RAB38: variants seen among roughly 807,000 people sequenced by gnomAD.
The protein encoded by RAB38 is RAB38, member RAS oncogene family.
Under a neutral mutation model 18.4 loss-of-function variants are expected in RAB38, and 15 were observed. The ratio of observed to expected loss-of-function variants is 0.82; its 90% CI spans 0.55 to 1.26. RAB38 has a LOEUF of 1.26. Ranked by LOEUF, RAB38 falls within the 50% of genes most tolerant of loss-of-function variation. RAB38 has a pLI of 0.00. For missense variants in RAB38, 294 were observed against 267.4 expected (o/e 1.10, Z -0.69); for synonymous variants, 101 against 104.4 (o/e 0.97, Z 0.20).
chr11:88,093,122 T>C, the RAB38 span, among the ~76,000 whole-genome samples: 8 of 151,998 alleles, frequency 5.3e-5, no homozygotes, highest in Admixed American at 2.6e-4. Context: ...TCAGAGAAAA[T>C]CTGATTGGCT....
At chr11:87,883,635 G>T in the RAB38 span, among the ~76,000 whole-genome samples, 2 of 151,936 alleles carry the variant, frequency 1.3e-5, no homozygotes, top group Non-Finnish European at 2.9e-5. Flanking sequence ...ATGGGAAATA[G>T]TTGCCTGGAT....
the RAB38 span, among the ~76,000 whole-genome samples, chr11:88,009,733 G>A: frequency 3.3e-5 from 5 of 152,118 alleles, no homozygotes; most frequent in Non-Finnish European, 5.9e-5. Context: ...AGCTTTGTGG[G>A]TGCCACAGTG....
the RAB38 span, among the ~76,000 whole-genome samples, chr11:88,018,797 T>G: frequency 6.6e-6 from 1 of 152,192 alleles, no homozygotes; most frequent in Non-Finnish European, 1.5e-5. Context: ...TGTTACATCT[T>G]TAGAATTTGT....
the RAB38 span, among the ~76,000 whole-genome samples, chr11:88,053,122 T>C: frequency 9.8e-5 from 13 of 132,452 alleles, no homozygotes; most frequent in African/African-American, 3.7e-4. Flanking sequence ...ATATGGAATA[T>C]ATATATTATA....
chr11:88,096,321 T>C, the RAB38 span, among the ~76,000 whole-genome samples: 38,294 of 151,654 alleles, frequency 0.25, 6,372 homozygotes, highest in African/African-American at 0.45. Flanking sequence ...TATAATTGTT[T>C]TTTTCTCTCA....
At chr11:88,005,918 G>A in the RAB38 span, among the ~76,000 whole-genome samples, 1 of 151,378 alleles carries the variant, frequency 6.6e-6, no homozygotes, top group African/African-American at 2.4e-5. Context: ...ATAGATGCTT[G>A]GGTTTAATTC....
At chr11:88,162,075 G>A (rs2386579) in intron 1 of RAB38, among the ~76,000 whole-genome samples, 37,453 of 151,890 alleles carry the variant, frequency 0.25, 4,666 homozygotes, top group Admixed American at 0.27. Flanking sequence ...ATAATGGCTT[G>A]TGCTGGTTTT....
the RAB38 span, among the ~76,000 whole-genome samples, chr11:87,960,684 A>G: frequency 5.9e-5 from 9 of 152,324 alleles, no homozygotes; most frequent in South Asian, 1.7e-3. Context: ...TTTCGGTTAC[A>G]TAACTTCAGA....
the RAB38 span, among the ~76,000 whole-genome samples, chr11:87,809,135 G>A: frequency 1.3e-4 from 20 of 152,218 alleles, no homozygotes; most frequent in African/African-American, 3.4e-4. Flanking sequence ...TTCATTTAAC[G>A]TAAATGAAGA....
chr11:88,024,845 T>C, the RAB38 span, among the ~76,000 whole-genome samples: 1 of 151,852 alleles, frequency 6.6e-6, no homozygotes. Context: ...AATAGAAGGA[T>C]GGTTGGCAGA....
At chr11:87,815,216 T>C in the RAB38 span, 1 of 152,232 alleles carries the variant, frequency 6.6e-6, no homozygotes, top group African/African-American at 2.4e-5. Context: ...ATGGATAGAA[T>C]ATTATGCTTT....
At chr11:87,944,219 A>AGTG in the RAB38 span, among the ~76,000 whole-genome samples, 1 of 152,198 alleles carries the variant, frequency 6.6e-6, no homozygotes, top group South Asian at 2.1e-4. Context: ...CTATTAGAAA[A>AGTG]GTGGTATGCT....
the RAB38 span, among the ~76,000 whole-genome samples, chr11:87,940,158 A>T: frequency 2.2e-5 from 3 of 134,784 alleles, no homozygotes; most frequent in African/African-American, 7.7e-5. Flanking sequence ...ACATTTACCC[A>T]GATAATACAA....
the RAB38 span, among the ~76,000 whole-genome samples, chr11:87,851,840 C>G: frequency 6.6e-6 from 1 of 152,066 alleles, no homozygotes; most frequent in Admixed American, 6.6e-5. Flanking sequence ...AGAGGTTTTC[C>G]TAGACACTTT....
the RAB38 span, among the ~76,000 whole-genome samples, chr11:87,941,254 C>G: frequency 2.3e-5 from 1 of 44,408 alleles, no homozygotes; most frequent in African/African-American, 1.1e-4. Flanking sequence ...TATGTAACTT[C>G]TATTTTCTCG....
the RAB38 span, among the ~76,000 whole-genome samples, chr11:88,078,801 G>C: frequency 6.6e-6 from 1 of 151,888 alleles, no homozygotes; most frequent in South Asian, 2.1e-4. Context: ...ATAAGACTTC[G>C]TGTTTGATAT....
At chr11:88,080,906 AAAT>A in the RAB38 span, among the ~76,000 whole-genome samples, 2 of 151,782 alleles carry the variant, frequency 1.3e-5, no homozygotes, top group African/African-American at 4.8e-5. Flanking sequence ...GAAGAAAATA[AAAT>A]AATAATGAAA....
At chr11:87,816,296 A>G in the RAB38 span, 3 of 152,380 alleles carry the variant, frequency 2.0e-5, no homozygotes, top group South Asian at 2.1e-4. Context: ...AAAACCTTCT[A>G]TTTGTGGGGG....
At chr11:88,053,741 T>G in the RAB38 span, among the ~76,000 whole-genome samples, 1 of 151,088 alleles carries the variant, frequency 6.6e-6, no homozygotes, top group Non-Finnish European at 1.5e-5. Flanking sequence ...CAAGGACAAA[T>G]AGCTACTTTA....
Sources: allele counts gnomAD v4.1 joint callset (sites outside exome capture counted in the v4.1 genomes callset), GRCh38; gene constraint gnomAD v4.1.1; transcripts MANE v1.5; gene names NCBI Gene and HGNC (gene_info 2026-07-23, HGNC 2026-07-21).